The following RALGAPA2 variants were observed in gnomAD, a reference collection of about 807,000 sequenced individuals.
The protein encoded by RALGAPA2 is Ral GTPase activating protein catalytic subunit alpha 2.
A neutral mutation model predicts 230.4 loss-of-function variants in RALGAPA2; 139 were observed. That is an observed-to-expected ratio of 0.60 (90% CI 0.53 to 0.69). The LOEUF is 0.69. Among genes scored for constraint, RALGAPA2 ranks in the 30% least tolerant of loss-of-function variants. RALGAPA2 has a pLI of 0.00. For synonymous variants in RALGAPA2, 847 were observed against 837.8 expected (o/e 1.01, Z -0.19); for missense variants, 2,163 against 2,276.0 (o/e 0.95, Z 1.01).
chr20:20,712,491 G>A lies in RALGAPA2; in HGVS notation c.-11C>T, dbSNP rs927126793. On this transcript the variant is annotated 5_prime_UTR_variant, in exon 1 of 40. Coordinates refer to ENST00000202677, the MANE Select transcript of RALGAPA2 (RefSeq NM_020343.4). The surrounding 1 kb of genome is among the most constrained non-coding windows in gnomAD (Gnocchi z 5.5). ...CCTTCGGGAGAACATCCCGCGGCAGGAAGCCCGGGCCCCGCCGGCGGGGCA... is the reference window on the plus strand; with the variant it reads ...CCTTCGGGAGAACATCCCGCGGCAGAAAGCCCGGGCCCCGCCGGCGGGGCA... The A allele has an allele frequency of 3.2e-6, 5 of 1,543,692 alleles. No homozygotes were observed. The highest frequency in any genetic ancestry group is 4.4e-6 in the Non-Finnish European group (5 of 1,143,830).
At chr20:20,685,907 G>A (rs2068682004) in intron 1 of RALGAPA2, among the ~76,000 whole-genome samples, 1 of 152,140 alleles carries the variant, frequency 6.6e-6, no homozygotes, top group Admixed American at 6.5e-5. Flanking sequence ...TACTATTACA[G>A]AACTCAGGGA....
chr20:20,509,606 G>T (rs1460606003), intron 33 of RALGAPA2, among the ~76,000 whole-genome samples: 1 of 152,104 alleles, frequency 6.6e-6, no homozygotes, highest in East Asian at 1.9e-4. Context: ...ACACAAAACA[G>T]TTCATGCTTC....
intron 37 of RALGAPA2, among the ~76,000 whole-genome samples, chr20:20,424,514 T>C (rs1395771244): frequency 6.6e-6 from 1 of 152,194 alleles, no homozygotes; most frequent in African/African-American, 2.4e-5. Context: ...GGAGTCAATG[T>C]CACTTGAACC....
chr20:20,483,227 G>C (rs1009935885), intron 36 of RALGAPA2, among the ~76,000 whole-genome samples: 2 of 152,188 alleles, frequency 1.3e-5, no homozygotes, highest in Non-Finnish European at 2.9e-5. Context: ...GCCCATCAAA[G>C]AATGATGGAA....
chr20:20,412,722 C>T (rs1045781447), intron 37 of RALGAPA2, among the ~76,000 whole-genome samples: 1 of 152,042 alleles, frequency 6.6e-6, no homozygotes, highest in African/African-American at 2.4e-5. Flanking sequence ...GAGAATCTAC[C>T]AAGAGTGCAC....
chr20:20,461,403 T>C (rs759803103), intron 37 of RALGAPA2, among the ~76,000 whole-genome samples: 99 of 152,368 alleles, frequency 6.5e-4, no homozygotes, highest in Non-Finnish European at 1.3e-3. Context: ...ATTTTTTTAA[T>C]TTCAAAAGTG....
chr20:20,515,394 G>T (rs1331678120), intron 31 of RALGAPA2, among the ~76,000 whole-genome samples: 1 of 152,140 alleles, frequency 6.6e-6, no homozygotes, highest in African/African-American at 2.4e-5. Context: ...TTTTTCCAAG[G>T]AGCAATACAG....
intron 37 of RALGAPA2, among the ~76,000 whole-genome samples, chr20:20,464,120 G>A (rs985427695): frequency 1.3e-5 from 2 of 152,114 alleles, no homozygotes; most frequent in Middle Eastern, 3.2e-3. Context: ...CAACCTTCCC[G>A]CAACAGACCC....
At chr20:20,629,315 CTTGTA>C (rs1034369862) in intron 10 of RALGAPA2, 43 bp downstream of exon 10, 169 of 1,302,034 alleles carry the variant, frequency 1.3e-4, no homozygotes, top group Non-Finnish European at 1.7e-4. Flanking sequence ...ATTTCAAGAA[CTTGTA>C]ACACACACAC....
intron 1 of RALGAPA2, among the ~76,000 whole-genome samples, chr20:20,695,542 TC>T (rs1250032472): frequency 1.3e-5 from 2 of 152,172 alleles, no homozygotes; most frequent in African/African-American, 4.8e-5. Flanking sequence ...TGACTGACTG[TC>T]AACTGACAGA....
intron 4 of RALGAPA2, among the ~76,000 whole-genome samples, chr20:20,646,794 A>C (rs2067229633): frequency 6.6e-6 from 1 of 152,224 alleles, no homozygotes; most frequent in Non-Finnish European, 1.5e-5. Flanking sequence ...AGAATCCATA[A>C]TGAACAATAT....
chr20:20,506,596 C>CT (rs980192000), intron 33 of RALGAPA2, among the ~76,000 whole-genome samples: 1 of 152,008 alleles, frequency 6.6e-6, no homozygotes, highest in African/African-American at 2.4e-5. Flanking sequence ...CAACTTTCTC[C>CT]TTTTTTTGCA....
chr20:20,614,582 A>G (rs1032420329), intron 13 of RALGAPA2, among the ~76,000 whole-genome samples: 6 of 152,232 alleles, frequency 3.9e-5, no homozygotes, highest in Non-Finnish European at 8.8e-5. Flanking sequence ...CTTGGCAAAT[A>G]GTGCTAAGTT....
At chr20:20,673,163 C>T (rs550045683) in intron 3 of RALGAPA2, among the ~76,000 whole-genome samples, 5 of 145,496 alleles carry the variant, frequency 3.4e-5, no homozygotes, top group African/African-American at 1.0e-4. Context: ...CCAGCCTGGG[C>T]GACAGAGAAA....
chr20:20,593,494 A>G (rs2065357220), intron 16 of RALGAPA2, among the ~76,000 whole-genome samples: 1 of 152,252 alleles, frequency 6.6e-6, no homozygotes, highest in Non-Finnish European at 1.5e-5. Context: ...CCATAGGGCC[A>G]GCCCTTCCGG....
In RALGAPA2 at chr20:20,505,478, C is replaced by A. The variant is rs748520773; in HGVS notation, c.4985G>T (p.Cys1662Phe). The A allele has an allele frequency of 1.9e-6, 3 of 1,604,966 alleles. No homozygotes were observed. Among genetic ancestry groups the A allele is most frequent in the Non-Finnish European group, 2.6e-6 (3 of 1,174,900 alleles). Residue 1662 changes from cysteine (C) to phenylalanine (F), a missense_variant, in exon 34 of 40, where the codon TGT (cysteine) becomes TTT (phenylalanine). Physicochemically the swap from Cys to Phe is radical, Grantham distance 205. Transcript: ENST00000202677. The part of the protein sequence containing the change: ...FYIAEGQEDK[C>F]SILSNERGSQ... ...TCCTCTTTCATTAGAGAGGATTGAACACTTGTCTTCTTGACCTTCAGCAAT... is the reference window on the plus strand; with the variant it reads ...TCCTCTTTCATTAGAGAGGATTGAAAACTTGTCTTCTTGACCTTCAGCAAT...
intron 1 of RALGAPA2, among the ~76,000 whole-genome samples, chr20:20,695,785 C>T: frequency 1.3e-5 from 2 of 152,144 alleles, no homozygotes; most frequent in East Asian, 3.9e-4. Flanking sequence ...ATTAAGATTC[C>T]CTCAGGTCTT....
chr20:20,674,051 C>T (rs1456182677), intron 3 of RALGAPA2, among the ~76,000 whole-genome samples: 6 of 151,966 alleles, frequency 3.9e-5, no homozygotes, highest in Non-Finnish European at 5.9e-5. Context: ...AAAAAATTAG[C>T]TGGGCATCGT....
chr20:20,589,306 T>A lies in RALGAPA2; in HGVS notation c.2401A>T (p.Asn801Tyr). 6.3e-7 allele frequency: 1 copy of A among 1,589,114 alleles called. No homozygotes were observed. Among genetic ancestry groups the A allele is most frequent in the Non-Finnish European group, 8.6e-7 (1 of 1,166,036 alleles). The change falls in exon 18 of 40, where the codon AAT becomes TAT. Residue 801 changes from asparagine (N) to tyrosine (Y), a missense_variant. By Grantham distance (143) the Asn-to-Tyr change is moderately radical. Transcript: ENST00000202677. Reference protein sequence around the residue: ...SSSEPQPIQENKGHVKREHEG... With the variant: ...SSSEPQPIQEYKGHVKREHEG... ...TGTTCTCTCTTCACATGTCCTTTAT[T>A]CTCTTGAATAGGCTGAGGCTCTGAA...
Sources: allele counts gnomAD v4.1 joint callset (sites outside exome capture counted in the v4.1 genomes callset), GRCh38; gene constraint gnomAD v4.1.1; non-coding constraint Gnocchi (gnomAD v3.1); transcripts MANE v1.5; gene names NCBI Gene and HGNC (gene_info 2026-07-23, HGNC 2026-07-21).